Variants in SAMD4A observed in about 807,000 individuals in gnomAD.
The protein encoded by SAMD4A is protein Smaug homolog 1.
Under a neutral mutation model 81.3 loss-of-function variants are expected in SAMD4A, and 33 were observed. That is an observed-to-expected ratio of 0.41 (90% CI 0.31 to 0.54). SAMD4A has a LOEUF of 0.54. Ranked by LOEUF, SAMD4A falls within the 20% of genes least tolerant of loss-of-function variation. The probability of loss-of-function intolerance (pLI) is 0.37; values close to 1 mark genes in which losing one functional copy is unlikely to be tolerated. For synonymous variants in SAMD4A, 389 were observed against 382.1 expected, an observed-to-expected ratio of 1.02 and a Z score of -0.21; for missense variants, 854 against 951.1, an observed-to-expected ratio of 0.90 and a Z score of 1.34.
At chr14:54,715,086 T>A (rs1470415226) in intron 3 of SAMD4A, among the ~76,000 whole-genome samples, 1 of 152,146 alleles carries the variant, frequency 6.6e-6, no homozygotes, top group Non-Finnish European at 1.5e-5. Context: ...ATTCACACTT[T>A]TAAAAATTAT....
At chr14:54,653,806 A>G (rs376941063) in intron 2 of SAMD4A, among the ~76,000 whole-genome samples, 6 of 152,186 alleles carry the variant, frequency 3.9e-5, no homozygotes, top group African/African-American at 1.4e-4. Flanking sequence ...ATTCTGAGGC[A>G]ATGGAGTGGC....
chr14:54,685,282 C>T (rs112575850), intron 2 of SAMD4A, among the ~76,000 whole-genome samples: 3 of 139,734 alleles, frequency 2.1e-5, no homozygotes, highest in Non-Finnish European at 3.0e-5. Context: ...CTGCCCCCCC[C>T]CCCAGCTCCT....
rs7143282 is a variant in SAMD4A, at chr14:54,791,160, C to G, written c.*2216C>G. On this transcript the variant is annotated 3_prime_UTR_variant, in exon 13 of 13. Coordinates refer to ENST00000554335, the MANE Select transcript of SAMD4A (RefSeq NM_015589.6). ...TACTTGGGGAATGTGTTGGGATGGA[C>G]GATCACATGTAAGGCAGGAAGAATA... 1 of 152,044 alleles carries G rather than the reference C, an allele frequency of 6.6e-6. No individual in the cohort carries two copies. Among genetic ancestry groups the G allele is most frequent in the Non-Finnish European group, 1.5e-5 (1 of 68,018 alleles). The allele number at this position is 152,044 out of a possible 1,614,324, so 9.4% of individuals were successfully genotyped here.
chr14:54,626,057 T>TGCGCGCGC (rs71446502), intron 2 of SAMD4A, among the ~76,000 whole-genome samples: 128 of 105,794 alleles, frequency 1.2e-3, no homozygotes, highest in Non-Finnish European at 2.0e-3. Context: ...TGTGTGTGTG[T>TGCGCGCGC]GTGCGCGCGC....
chr14:54,727,480 C>T (rs2037454467), intron 3 of SAMD4A, among the ~76,000 whole-genome samples: 1 of 152,140 alleles, frequency 6.6e-6, no homozygotes, highest in South Asian at 2.1e-4. Context: ...TGAGCCACCA[C>T]ACCCAGCCTT....
At chr14:54,743,094 A>G (rs2037883864) in intron 4 of SAMD4A, among the ~76,000 whole-genome samples, 1 of 152,128 alleles carries the variant, frequency 6.6e-6, no homozygotes, top group Non-Finnish European at 1.5e-5. Context: ...CCTGTCAGAA[A>G]CCTTTGTAAG....
intron 9 of SAMD4A, 117 bp from the exon 10 acceptor site, chr14:54,774,813 CAAAA>C (rs546617416): frequency 0.022 from 13,705 of 613,482 alleles, 3 homozygotes; most frequent in East Asian, 0.03. Flanking sequence ...GACCCTGACT[CAAAA>C]AAAAAAAAAA....
chr14:54,719,908 A>C (rs2037218211), intron 3 of SAMD4A, among the ~76,000 whole-genome samples: 1 of 152,198 alleles, frequency 6.6e-6, no homozygotes. Context: ...TTCCTAGTCT[A>C]AAATATTTGC....
intron 2 of SAMD4A, among the ~76,000 whole-genome samples, chr14:54,668,150 G>C (rs1285833721): frequency 6.6e-6 from 1 of 152,184 alleles, no homozygotes; most frequent in Non-Finnish European, 1.5e-5. Context: ...CCCAAAACCA[G>C]TTCTCAGATA....
At chr14:54,765,885 C>T (rs2038526168) in intron 8 of SAMD4A, among the ~76,000 whole-genome samples, 1 of 152,150 alleles carries the variant, frequency 6.6e-6, no homozygotes. Context: ...ATCCCAGCTC[C>T]CCCTTCCCCA....
intron 2 of SAMD4A, among the ~76,000 whole-genome samples, chr14:54,661,682 G>T (rs138584092): frequency 6.8e-4 from 104 of 152,290 alleles, no homozygotes; most frequent in African/African-American, 2.3e-3. Context: ...CAGAGATTCA[G>T]CCGACTATTC....
At chr14:54,613,538 A>G (rs1383681850) in intron 2 of SAMD4A, among the ~76,000 whole-genome samples, 1 of 152,212 alleles carries the variant, frequency 6.6e-6, no homozygotes, top group East Asian at 1.9e-4. Context: ...ATTATGGTGC[A>G]ACCTCTATTC....
At chr14:54,591,004 C>T (rs1170486689) in intron 2 of SAMD4A, among the ~76,000 whole-genome samples, 2 of 152,190 alleles carry the variant, frequency 1.3e-5, no homozygotes, top group Non-Finnish European at 2.9e-5. Context: ...ATTGCTGAAG[C>T]AGCTTGTCAC....
At position 54,702,465 on chromosome 14, in the gene SAMD4A, C is replaced by G; in HGVS notation, c.600C>G (p.Ile200Met). 10 of 1,614,166 alleles carry G rather than the reference C, an allele frequency of 6.2e-6. No homozygotes were observed. Among genetic ancestry groups the G allele is most frequent in the Non-Finnish European group, 8.5e-6 (10 of 1,180,012 alleles). ...ACTCTCGGGATTCTGGGATTTGCAT[C>G]AATGCCTCCAACTGGCAGGACAAAA... ...WQNSRDSGIC[I>M]NASNWQDKSM... Residue 200 changes from isoleucine (I) to methionine (M), a missense_variant, in exon 3 of 13, where the codon ATC becomes ATG. Coordinates refer to ENST00000554335, the MANE Select transcript of SAMD4A (RefSeq NM_015589.6).
intron 3 of SAMD4A, among the ~76,000 whole-genome samples, chr14:54,715,300 C>A (rs1036216905): frequency 2.0e-5 from 3 of 152,054 alleles, no homozygotes; most frequent in Non-Finnish European, 2.9e-5. Flanking sequence ...TTGGATGACC[C>A]CTAAGGCTCC....
At chr14:54,711,472 A>C (rs757826697) in intron 3 of SAMD4A, among the ~76,000 whole-genome samples, 1 of 152,156 alleles carries the variant, frequency 6.6e-6, no homozygotes, top group Non-Finnish European at 1.5e-5. Context: ...CATTAATGTC[A>C]AGCTTCTGAT....
intron 6 of SAMD4A, among the ~76,000 whole-genome samples, chr14:54,755,678 G>A (rs2038220881): frequency 6.6e-6 from 1 of 152,168 alleles, no homozygotes; most frequent in Non-Finnish European, 1.5e-5. Context: ...GGAAACAGAA[G>A]CAGAAGCCTG....
chr14:54,650,803 C>T (rs1184153025), intron 2 of SAMD4A, among the ~76,000 whole-genome samples: 1 of 152,172 alleles, frequency 6.6e-6, no homozygotes, highest in Non-Finnish European at 1.5e-5. Context: ...TTTTTTCCCA[C>T]CAGACTCACG....
chr14:54,586,855 A>G (rs2033635602), intron 2 of SAMD4A, among the ~76,000 whole-genome samples: 1 of 152,056 alleles, frequency 6.6e-6, no homozygotes, highest in African/African-American at 2.4e-5. Flanking sequence ...AAGTCAGGTA[A>G]TGTGATTCCT....
Sources: gnomAD v4.1 joint callset for allele counts (sites outside exome capture counted in the v4.1 genomes callset) on GRCh38, gnomAD v4.1.1 for gene constraint, MANE v1.5 for transcripts, NCBI Gene and HGNC (gene_info 2026-07-23, HGNC 2026-07-21) for gene names.